Variants in UVSSA observed in about 807,000 individuals in gnomAD.
UVSSA encodes the protein UV stimulated scaffold protein A.
A neutral mutation model predicts 73.9 loss-of-function variants in UVSSA; 72 were observed. The observed-to-expected ratio is 0.97, with a 90% CI of 0.81 to 1.19. UVSSA has a LOEUF of 1.19. Ranked by LOEUF, UVSSA falls within the 50% of genes most tolerant of loss-of-function variation. The probability of loss-of-function intolerance (pLI) is 0.00; values close to 1 mark genes in which losing one functional copy is unlikely to be tolerated. For synonymous variants in UVSSA, 454 were observed against 391.3 expected (o/e 1.16, Z -1.89); for missense variants, 1,150 against 965.0 (o/e 1.19, Z -2.54).
rs149002857 is a variant in UVSSA, at chr4:1,394,919, G to A, written c.*8958G>A. On this transcript the variant is annotated 3_prime_UTR_variant, in exon 14 of 14. Coordinates refer to the UVSSA transcript ENST00000511216. The stretch of plus-strand genomic sequence containing the variant: ...TCACACGTGCCCATGCGGAGTGCCC[G>A]CCTGCTCACACGTGCCCATGCGGAG... 5.1e-5 allele frequency: 79 copies of A among 1,549,574 alleles called. 1 individual carries two copies. In the African/African-American group the frequency reaches 5.4e-4, roughly 11 times the overall value.
chr4:1,359,595 T>G (rs1167677364), intron 7 of UVSSA: 1 of 152,208 alleles, frequency 6.6e-6, no homozygotes, highest in Non-Finnish European at 1.5e-5. Context: ...CCGGGTTACT[T>G]GTTTCCGTGG....
upstream of UVSSA, among the ~76,000 whole-genome samples, chr4:1,346,985 C>G (rs958101629): frequency 6.6e-6 from 1 of 152,192 alleles, no homozygotes; most frequent in Non-Finnish European, 1.5e-5. Context: ...GCCTCCTGGG[C>G]TGGGGTGAGC....
At chr4:1,363,518 T>C (rs941499573) in intron 7 of UVSSA, among the ~76,000 whole-genome samples, 10 of 152,248 alleles carry the variant, frequency 6.6e-5, no homozygotes, top group African/African-American at 2.4e-4. Flanking sequence ...TGTTATGCAT[T>C]GTAGCACCCG....
At chr4:1,378,994 A>C (rs1407239456) in intron 10 of UVSSA, among the ~76,000 whole-genome samples, 1 of 151,648 alleles carries the variant, frequency 6.6e-6, no homozygotes, top group African/African-American at 2.4e-5. Context: ...AGGCGGCCCC[A>C]GGGCAGGGCC....
At chr4:1,393,503 C>G (rs1246746771) in exon 14 of UVSSA, 2 of 151,760 alleles carry the variant, frequency 1.3e-5, no homozygotes, top group African/African-American at 2.4e-5. Flanking sequence ...TGCAGTGAGC[C>G]AGGATCAAGC....
exon 14 of UVSSA, chr4:1,394,173 G>A: frequency 4.4e-6 from 2 of 453,178 alleles, no homozygotes; most frequent in Middle Eastern, 6.5e-4. Context: ...CACACACACA[G>A]CTCTGTGCCT....
chr4:1,394,626 C>T lies in UVSSA; in HGVS notation c.*8665C>T, dbSNP rs373049641. 1.5e-4 allele frequency: 217 copies of T among 1,426,390 alleles called. 1 individual carries two copies. Among genetic ancestry groups the T allele is most frequent in the Middle Eastern group, 3.7e-4 (2 of 5,362 alleles). 88.4% of individuals were successfully genotyped at this position (1,426,390 alleles called of 1,614,324 possible). ...GGAGTGCCCGCCTGCTCACACATGT[C>T]GATGCGGAGTGCCCGCCTGCTCACA... is the stretch of plus-strand genomic sequence containing the variant. On this transcript the variant is annotated 3_prime_UTR_variant, in exon 14 of 14. Coordinates refer to the UVSSA transcript ENST00000511216.
chr4:1,394,153 T>G, exon 14 of UVSSA: 1 of 404,466 alleles, frequency 2.5e-6, no homozygotes, highest in South Asian at 2.4e-5. Context: ...CAGCTCAGGT[T>G]CCTCTCGGGC....
chr4:1,376,322 G>T lies in UVSSA; in HGVS notation c.1568+154G>T, dbSNP rs148632794. Among the ~76,000 whole-genome samples, 227 of 152,338 alleles carry T rather than the reference G, an allele frequency of 1.5e-3. 2 individuals carry two copies. The highest frequency in any genetic ancestry group is 5.0e-3 in the African/African-American group (210 of 41,590). On this transcript the variant is annotated intron_variant, in intron 10 of 13. Coordinates refer to ENST00000389851, the MANE Select transcript of UVSSA (RefSeq NM_020894.4). ...CTTCCGGGCACCTGGAGGGGCACAG[G>T]GGTGGGCCTCCCCTGCTGATCCGGC...
chr4:1,369,673 G>A (rs1227870619), intron 8 of UVSSA, among the ~76,000 whole-genome samples: 2 of 152,212 alleles, frequency 1.3e-5, no homozygotes, highest in Non-Finnish European at 2.9e-5. Flanking sequence ...AATCAATAAT[G>A]TCAGCGCTGG....
At position 1,380,078 on chromosome 4, in the gene UVSSA, A is replaced by G. The variant is rs748676865; in HGVS notation, c.1600A>G (p.Ser534Gly). 4.3e-6 allele frequency: 7 copies of G among 1,611,110 alleles called. No individual in the cohort carries two copies. Among genetic ancestry groups the G allele is most frequent in the Non-Finnish European group, 5.9e-6 (7 of 1,179,064 alleles). The change falls in exon 11 of 14, where the codon AGC (serine) becomes GGC (glycine). Residue 534 changes from serine to glycine, a missense_variant. By Grantham distance (56) the Ser-to-Gly change is moderately conservative (BLOSUM62 0). Transcript: ENST00000389851. ...SDSQHRFWKP[S>G]EVEEEVVNAD... ...CTCCCAGCACCGCTTCTGGAAGCCCAGCGAGGTGGAGGAGGAAGTGGTCAA... is the reference window on the plus strand; with the variant it reads ...CTCCCAGCACCGCTTCTGGAAGCCCGGCGAGGTGGAGGAGGAAGTGGTCAA...
chr4:1,357,284 G>C (rs898838464), intron 7 of UVSSA, among the ~76,000 whole-genome samples: 2 of 152,222 alleles, frequency 1.3e-5, no homozygotes, highest in African/African-American at 2.4e-5. Context: ...GGCATGGTCT[G>C]GTCTCATCAG....
chr4:1,393,193 C>G (rs1480372838), exon 14 of UVSSA: 1 of 152,172 alleles, frequency 6.6e-6, no homozygotes, highest in Non-Finnish European at 1.5e-5. Flanking sequence ...ATGCTTTTGC[C>G]AAACAAAACC....
At position 1,375,195 on chromosome 4, in the gene UVSSA, C is replaced by T. The variant is rs1718602508; in HGVS notation, c.1289-169C>T. On this transcript the variant is annotated intron_variant, in intron 8 of 13. Transcript: ENST00000389851. ...TGGCAGAGCGTGGCCTGAGCTGCTG[C>T]TCCGGGCCTCACCCTCGCCCGTGAG... is the stretch of plus-strand genomic sequence containing the variant. 1.4e-5 allele frequency: 16 copies of T among 1,120,956 alleles called. No individual in the cohort carries two copies. In the South Asian group the frequency reaches 2.2e-4, roughly 15 times the overall value. The allele number at this position is 1,120,956 out of a possible 1,614,324, so 69.4% of individuals were successfully genotyped here.
upstream of UVSSA, among the ~76,000 whole-genome samples, chr4:1,343,433 G>C (rs1476510740): frequency 6.6e-6 from 1 of 152,048 alleles, no homozygotes; most frequent in Non-Finnish European, 1.5e-5. Flanking sequence ...TGGTAGGCAG[G>C]GGCCACAATT....
At chr4:1,365,479 G>C (rs2109191581) in intron 7 of UVSSA, among the ~76,000 whole-genome samples, 1 of 152,324 alleles carries the variant, frequency 6.6e-6, no homozygotes, top group African/African-American at 2.4e-5. Context: ...GCTTTTCTCA[G>C]GGGAAAAAGA....
chr4:1,342,075 C>G (rs893012009), upstream of UVSSA, among the ~76,000 whole-genome samples: 8 of 152,224 alleles, frequency 5.3e-5, no homozygotes, highest in Non-Finnish European at 8.8e-5. Flanking sequence ...ATTTGTGTGC[C>G]AGTCTTCTTG....
chr4:1,394,955 C>T lies in UVSSA; in HGVS notation c.*8994C>T, dbSNP rs539264269. 3.8e-6 allele frequency: 6 copies of T among 1,562,518 alleles called. No homozygotes were observed. In the East Asian group the frequency reaches 1.4e-4, roughly 37 times the overall value. ...CGTGCCCATGCGGAGTGCCCGCCTG[C>T]TCACACGTGCCCATGCGGAGTGCCC... On this transcript the variant is annotated 3_prime_UTR_variant, in exon 14 of 14. Transcript: ENST00000511216.
intron 7 of UVSSA, among the ~76,000 whole-genome samples, chr4:1,355,581 C>T (rs1445060570): frequency 6.6e-6 from 1 of 152,320 alleles, no homozygotes; most frequent in African/African-American, 2.4e-5. Context: ...CAGTGCGGCA[C>T]CTGTCCTGGC....
Sources: gnomAD v4.1 joint callset for allele counts (sites outside exome capture counted in the v4.1 genomes callset) on GRCh38, gnomAD v4.1.1 for gene constraint, MANE v1.5 for transcripts, NCBI Gene and HGNC (gene_info 2026-07-23, HGNC 2026-07-21) for gene names.